The following PDZK1IP1 variants were observed in gnomAD, a reference collection of about 807,000 sequenced individuals.
PDZK1IP1 encodes the protein PDZK1 interacting protein 1.
A neutral mutation model predicts 14.7 loss-of-function variants in PDZK1IP1; 9 were observed. That is an observed-to-expected ratio of 0.61 (90% CI 0.37 to 1.07). The LOEUF (loss-of-function observed/expected upper bound fraction) is 1.07. Ranked by LOEUF, PDZK1IP1 falls within the 50% of genes least tolerant of loss-of-function variation. The probability of loss-of-function intolerance (pLI) is 0.01; values close to 1 mark genes in which losing one functional copy is unlikely to be tolerated. For synonymous variants in PDZK1IP1, 70 were observed against 61.2 expected (o/e 1.14, Z -0.67); for missense variants, 152 against 148.7 (o/e 1.02, Z -0.11).
At chr1:47,189,759 C>T (rs1247467901) in intron 1 of PDZK1IP1, 107 bp downstream of exon 1, 2 of 766,470 alleles carry the variant, frequency 2.6e-6, no homozygotes, top group Non-Finnish European at 4.0e-6. Context: ...TAGCGCAGTC[C>T]CTGCTCCCCC....
At position 47,187,442 on chromosome 1, in the gene PDZK1IP1, G is replaced by A. The variant is rs1212248012; in HGVS notation, c.68-15C>T. On this transcript the variant is annotated splice_polypyrimidine_tract_variant and intron_variant, in intron 1 of 3. Coordinates refer to ENST00000294338, the MANE Select transcript of PDZK1IP1 (RefSeq NM_005764.4). The stretch of plus-strand genomic sequence containing the variant: ...GTTCCCCAGGCCTAACAAAGGGAGA[G>A]GGGCTGTAGCAGACGGGGCCACAGT... 1.5e-5 allele frequency: 24 copies of A among 1,604,892 alleles called. No homozygotes were observed. Among genetic ancestry groups the A allele is most frequent in the Non-Finnish European group, 2.0e-5 (23 of 1,172,834 alleles).
chr1:47,186,205 G>A (rs1645319000), intron 2 of PDZK1IP1, among the ~76,000 whole-genome samples: 1 of 152,090 alleles, frequency 6.6e-6, no homozygotes, highest in Non-Finnish European at 1.5e-5. Flanking sequence ...CTACTCGGGA[G>A]GCTGGGGCAG....
In PDZK1IP1 at chr1:47,185,093, G is replaced by C. The variant is rs576000568; in HGVS notation, c.181C>G (p.Pro61Ala). The C allele has an allele frequency of 2.5e-5, 40 of 1,612,796 alleles. No individual in the cohort carries two copies. In the South Asian group the frequency reaches 4.0e-4, roughly 16 times the overall value. Residue 61 changes from proline (P) to alanine (A), a missense_variant, in exon 3 of 4, where the codon CCT (proline) becomes GCT (alanine). Pro to Ala is a conservative substitution (Grantham distance 27). Coordinates refer to ENST00000294338, the MANE Select transcript of PDZK1IP1 (RefSeq NM_005764.4). ...CCGACGGTCAGGATCATGTGTGCAG[G>C]CTCCCTGGGGATGGGATTCATCAGT... is the stretch of plus-strand genomic sequence containing the variant. ...NHFWCQEEPE[P>A]AHMILTVGNK... is the part of the protein sequence containing the mutation.
At chr1:47,187,177 C>CTCA in intron 2 of PDZK1IP1, 142 bp downstream of exon 2, 1 of 650,732 alleles carries the variant, frequency 1.5e-6, no homozygotes, top group Non-Finnish European at 2.7e-6. Context: ...ACCCCATGAC[C>CTCA]TTGAGCCTCA....
At position 47,183,996 on chromosome 1, in the gene PDZK1IP1, C is replaced by T. The variant is rs1645300569; in HGVS notation, c.320G>A (p.Gly107Asp). Residue 107 changes from glycine (G) to aspartate (D), a missense_variant, in exon 4 of 4, where the codon GGC (glycine) becomes GAC (aspartate). Physicochemically the swap from Gly to Asp is moderately conservative, Grantham distance 94 (BLOSUM62 -1). Coordinates refer to ENST00000294338, the MANE Select transcript of PDZK1IP1 (RefSeq NM_005764.4). Reference sequence around the variant, plus strand: ...TTACATCGGGGTGCTGCGGACCTTGCCTTCCTCCTCGGGCACATTCTCATA... The same window carrying T: ...TTACATCGGGGTGCTGCGGACCTTGTCTTCCTCCTCGGGCACATTCTCATA... ...NAYENVPEEE[G>D]KVRSTPM is the part of the protein sequence containing the mutation. The T allele has an allele frequency of 3.1e-6, 5 of 1,598,218 alleles. No homozygotes were observed. The highest frequency in any genetic ancestry group is 1.6e-4 in the Middle Eastern group (1 of 6,066).
rs748988919 is a variant in PDZK1IP1, at chr1:47,183,738, G to T, written c.*233C>A. The T allele has an allele frequency of 4.5e-5, 26 of 578,508 alleles. No individual in the cohort carries two copies. The highest frequency in any genetic ancestry group is 2.7e-4 in the Admixed American group (9 of 33,100). The allele number at this position is 578,508 out of a possible 1,614,324, so 35.8% of individuals were successfully genotyped here. On this transcript the variant is annotated 3_prime_UTR_variant, in exon 4 of 4. Coordinates refer to ENST00000294338, the MANE Select transcript of PDZK1IP1 (RefSeq NM_005764.4). ...CTCAGCTGACTGTCCTCTCCAGAAG[G>T]CTCTTCTGAGCTGAGCAGGAGACCC...
chr1:47,185,369 C>T (rs528761568), intron 2 of PDZK1IP1: 6 of 429,486 alleles, frequency 1.4e-5, no homozygotes, highest in African/African-American at 1.0e-4. Context: ...TCAGCCTCCA[C>T]AGCAGGCCCT....
At chr1:47,185,960 G>A (rs72894602) in intron 2 of PDZK1IP1, among the ~76,000 whole-genome samples, 9,071 of 152,124 alleles carry the variant, frequency 0.06, 911 homozygotes, top group African/African-American at 0.21. Flanking sequence ...CATCTGCCAC[G>A]AGGCAGCCAG....
rs1645298539 is a variant in PDZK1IP1 at position 47,183,741 on chromosome 1, C to T, written c.*230G>A. 1.7e-6 allele frequency: 1 copy of T among 590,106 alleles called. No individual in the cohort carries two copies. The highest frequency in any genetic ancestry group is 1.9e-5 in the African/African-American group (1 of 53,714). 36.6% of individuals were successfully genotyped at this position (590,106 alleles called of 1,614,324 possible). On this transcript the variant is annotated 3_prime_UTR_variant, in exon 4 of 4. Coordinates refer to ENST00000294338, the MANE Select transcript of PDZK1IP1 (RefSeq NM_005764.4). ...AGCTGACTGTCCTCTCCAGAAGGCT[C>T]TTCTGAGCTGAGCAGGAGACCCCAG... is the stretch of plus-strand genomic sequence containing the variant.
chr1:47,189,468 T>A (rs1645339853), intron 1 of PDZK1IP1, among the ~76,000 whole-genome samples: 1 of 151,662 alleles, frequency 6.6e-6, no homozygotes, highest in African/African-American at 2.4e-5. Context: ...TTTGGGGGAG[T>A]CACACTGGGC....
intron 2 of PDZK1IP1, chr1:47,185,379 T>A (rs1645313001): frequency 5.0e-6 from 2 of 402,110 alleles, no homozygotes; most frequent in Non-Finnish European, 9.2e-6. Context: ...CAGCAGGCCC[T>A]GCAGGATGCA....
chr1:47,186,716 C>T (rs1645322042), intron 2 of PDZK1IP1, among the ~76,000 whole-genome samples: 1 of 152,232 alleles, frequency 6.6e-6, no homozygotes, highest in Non-Finnish European at 1.5e-5. Context: ...AACTGCAGCG[C>T]TCTTCCCACG....
intron 1 of PDZK1IP1, among the ~76,000 whole-genome samples, chr1:47,188,876 A>C (rs1645335910): frequency 6.6e-6 from 1 of 152,184 alleles, no homozygotes; most frequent in African/African-American, 2.4e-5. Context: ...TTGCTCAAGC[A>C]TGGGGAGTTA....
chr1:47,189,943 G>C lies in PDZK1IP1; in HGVS notation c.-11C>G. 2 of 1,582,778 alleles carry C rather than the reference G, an allele frequency of 1.3e-6. No individual in the cohort carries two copies. Among genetic ancestry groups the C allele is most frequent in the East Asian group, 4.5e-5 (2 of 44,470 alleles). ...GCTGAGGGCCGACATGGCTGCAGCA[G>C]CTCCTAGCCTTGCTTCTGGCCGCCG... On this transcript the variant is annotated 5_prime_UTR_variant, in exon 1 of 4. Coordinates refer to ENST00000294338, the MANE Select transcript of PDZK1IP1 (RefSeq NM_005764.4).
At chr1:47,184,076 T>C (rs1229263472) in intron 3 of PDZK1IP1, 33 bp from the exon 4 acceptor site, 1 of 1,499,138 alleles carries the variant, frequency 6.7e-7, no homozygotes, top group South Asian at 1.2e-5. Context: ...TGATGGGTCA[T>C]CGCTCCTCCC....
chr1:47,189,811 A>G lies in PDZK1IP1; in HGVS notation c.67+55T>C, dbSNP rs150637144. ...CAAGGCCCTGGGGAGGGGAGCCAGA[A>G]CACCACCTGTCCACCCCTGGGTCTC... On this transcript the variant is annotated intron_variant, in intron 1 of 3. Transcript: ENST00000294338. The G allele has an allele frequency of 1.0e-3, 1,435 of 1,392,512 alleles. 17 individuals carry two copies. In the African/African-American group the frequency reaches 0.019, roughly 18 times the overall value. 86.3% of individuals were successfully genotyped at this position (1,392,512 alleles called of 1,614,324 possible).
In PDZK1IP1 at chr1:47,183,768, G is replaced by A; in HGVS notation, c.*203C>T. 1 of 609,152 alleles carries A rather than the reference G, an allele frequency of 1.6e-6. No individual in the cohort carries two copies. Among genetic ancestry groups the A allele is most frequent in the East Asian group, 2.7e-5 (1 of 36,426 alleles). The allele number at this position is 609,152 out of a possible 1,614,324, so 37.7% of individuals were successfully genotyped here. A position where few individuals can be genotyped will look rare whatever the true frequency, so the allele number is the denominator to read the frequency against. On this transcript the variant is annotated 3_prime_UTR_variant, in exon 4 of 4. Coordinates refer to ENST00000294338, the MANE Select transcript of PDZK1IP1 (RefSeq NM_005764.4). ...TCTGAGCTGAGCAGGAGACCCCAGG[G>A]CCACAGCCGAGCCCCAACCTAGACA...
intron 1 of PDZK1IP1, among the ~76,000 whole-genome samples, chr1:47,188,099 G>C (rs1214168059): frequency 6.6e-6 from 1 of 152,204 alleles, no homozygotes; most frequent in African/African-American, 2.4e-5. Flanking sequence ...AGCTCCTTTT[G>C]ATTCCCCCAG....
rs1485038622 is a variant in PDZK1IP1 at position 47,187,369 on chromosome 1, G to A, written c.126C>T (p.Val42=). ...QGLIAVAVFL[V]LVAIAFAVNH... ...TGACTGCAAAGGCGATTGCAACGAG[G>A]ACCAGGAACACGGCCACCGCGATAA... The change falls in exon 2 of 4, where the codon GTC becomes GTT. Residue 42 remains valine, a synonymous_variant. Transcript: ENST00000294338. 1.2e-6 allele frequency: 2 copies of A among 1,612,848 alleles called. No individual in the cohort carries two copies. Among genetic ancestry groups the A allele is most frequent in the East Asian group, 2.2e-5 (1 of 44,878 alleles).
Sources: gnomAD v4.1 joint callset for allele counts (sites outside exome capture counted in the v4.1 genomes callset) on GRCh38, gnomAD v4.1.1 for gene constraint, MANE v1.5 for transcripts, NCBI Gene and HGNC (gene_info 2026-07-23, HGNC 2026-07-21) for gene names.